The following MRTFA variants were observed in gnomAD, a reference collection of about 807,000 sequenced individuals.
MRTFA encodes the protein myocardin related transcription factor A.
A neutral mutation model predicts 83.5 loss-of-function variants in MRTFA; 20 were observed. The ratio of observed to expected loss-of-function variants is 0.24; its 90% CI spans 0.17 to 0.35. The LOEUF is 0.35. Among genes scored for constraint, MRTFA ranks in the 10% least tolerant of loss-of-function variants. MRTFA has a pLI of 1.00. For missense variants in MRTFA, 1,200 were observed against 1,224.7 expected, an observed-to-expected ratio of 0.98 and a Z score of 0.30; for synonymous variants, 659 against 541.2, an observed-to-expected ratio of 1.22 and a Z score of -3.02.
intron 3 of MRTFA, among the ~76,000 whole-genome samples, chr22:40,487,360 G>T (rs532444571): frequency 1.2e-4 from 19 of 152,242 alleles, no homozygotes; most frequent in Admixed American, 5.2e-4. Flanking sequence ...ACTTTCATAC[G>T]TATCTCATTT....
At position 40,459,826 on chromosome 22, in the gene MRTFA, T is replaced by C. The variant is rs866980415; in HGVS notation, c.307+3395A>G. The stretch of plus-strand genomic sequence containing the variant: ...ACACACACACACACACACACACATA[T>C]ATACATATATATATATATATATATA... On this transcript the variant is annotated intron_variant, in intron 4 of 14. Coordinates refer to ENST00000355630, the MANE Select transcript of MRTFA (RefSeq NM_020831.6). Among the ~76,000 whole-genome samples, 521 of 92,700 alleles carry C rather than the reference T, an allele frequency of 5.6e-3. 5 individuals are homozygous for C. The highest frequency in any genetic ancestry group is 0.021 in the African/African-American group (444 of 20,714). 60.8% of individuals were successfully genotyped at this position (92,700 alleles called of 152,430 possible).
Position 40,422,995 on chromosome 22 carries a change from G to A in MRTFA, c.927+541C>T, listed in dbSNP as rs559012178. On this transcript the variant is annotated intron_variant, in intron 9 of 14. Transcript: ENST00000355630. ...GATCCTGGTGGCCAGGCAGCTCTGT[G>A]GAGCAGGGAGGACTCTGCATGAGCT... 1.2e-4 allele frequency among the ~76,000 whole-genome samples: 19 copies of A among 152,300 alleles called. No homozygotes were observed. The Middle Eastern group carries it at 0.017, about 136-fold the overall frequency.
chr22:40,621,199 G>A (rs939758462), intron 1 of MRTFA, among the ~76,000 whole-genome samples: 3 of 146,512 alleles, frequency 2.0e-5, no homozygotes, highest in East Asian at 2.0e-4. Flanking sequence ...AAAAAAAAAA[G>A]AAGAAGAAGA....
chr22:40,520,713 C>T (rs889234658), intron 3 of MRTFA, among the ~76,000 whole-genome samples: 6 of 152,186 alleles, frequency 3.9e-5, no homozygotes, highest in Non-Finnish European at 5.9e-5. Context: ...GGCCAAGGTT[C>T]ATTCATTTTA....
chr22:40,632,214 T>A (rs2056649068), intron 1 of MRTFA, among the ~76,000 whole-genome samples: 1 of 151,954 alleles, frequency 6.6e-6, no homozygotes, highest in Non-Finnish European at 1.5e-5. Flanking sequence ...GCAATATGAG[T>A]AGCCACCTTG....
intron 2 of MRTFA, chr22:40,587,849 G>A (rs2056054987): frequency 2.5e-6 from 1 of 396,556 alleles, no homozygotes; most frequent in Non-Finnish European, 4.8e-6. Flanking sequence ...AACAAGATAG[G>A]GCTGTCTGTT....
chr22:40,449,015 C>T (rs954691939), intron 4 of MRTFA, among the ~76,000 whole-genome samples: 1 of 152,170 alleles, frequency 6.6e-6, no homozygotes, highest in Non-Finnish European at 1.5e-5. Flanking sequence ...CCTGTAATCC[C>T]AGGACTTTGG....
intron 4 of MRTFA, among the ~76,000 whole-genome samples, chr22:40,458,089 T>G (rs1279228079): frequency 6.6e-6 from 1 of 152,200 alleles, no homozygotes; most frequent in Non-Finnish European, 1.5e-5. Context: ...GTCTTCATCC[T>G]GGATACAGTG....
intron 3 of MRTFA, among the ~76,000 whole-genome samples, chr22:40,518,559 C>A (rs559492438): frequency 2.0e-5 from 3 of 151,686 alleles, no homozygotes; most frequent in African/African-American, 7.3e-5. Flanking sequence ...TTTGGGAGGC[C>A]GAGGTGGGCG....
intron 3 of MRTFA, among the ~76,000 whole-genome samples, chr22:40,527,567 C>G (rs1170335329): frequency 1.3e-5 from 2 of 151,836 alleles, no homozygotes; most frequent in East Asian, 3.9e-4. Flanking sequence ...ACTATCCTGG[C>G]TAACACAGTG....
At chr22:40,543,586 C>G (rs765115389) in intron 3 of MRTFA, among the ~76,000 whole-genome samples, 1 of 152,114 alleles carries the variant, frequency 6.6e-6, no homozygotes, top group Non-Finnish European at 1.5e-5. Flanking sequence ...TCAACAACAA[C>G]ATTTAGAAAA....
intron 7 of MRTFA, 104 bp from the exon 8 acceptor site, chr22:40,424,485 C>T (rs1483963997): frequency 1.5e-5 from 18 of 1,233,454 alleles, no homozygotes; most frequent in Non-Finnish European, 1.9e-5. Flanking sequence ...GGCCCACAGC[C>T]CACATGCCCC....
At chr22:40,543,661 TCTAA>T (rs1027727363) in intron 3 of MRTFA, among the ~76,000 whole-genome samples, 1 of 151,960 alleles carries the variant, frequency 6.6e-6, no homozygotes, top group African/African-American at 2.4e-5. Flanking sequence ...TAAAAACAAA[TCTAA>T]CTAAAGATGT....
rs908164284 is a variant in MRTFA, at chr22:40,411,284, T to TTGTC, written c.*102_*105dup. 2.3e-5 allele frequency: 28 copies of TTGTC among 1,223,654 alleles called. No individual in the cohort carries two copies. In the African/African-American group the frequency reaches 4.1e-4, roughly 18 times the overall value. 75.8% of individuals were successfully genotyped at this position (1,223,654 alleles called of 1,614,324 possible). A position where few individuals can be genotyped will look rare whatever the true frequency, so the allele number is the denominator to read the frequency against. ...GGAAGGGAAAAAGCAGGGGCTGTGA[T>TTGTC]TGTCAAGACTCACAACCATGTGGAG... On this transcript the variant is annotated 3_prime_UTR_variant, in exon 15 of 15. Coordinates refer to ENST00000355630, the MANE Select transcript of MRTFA (RefSeq NM_020831.6).
chr22:40,418,653 G>C lies in MRTFA; in HGVS notation c.2085C>G (p.His695Gln). ...GGGCCGCCAGGCTGGGGTTGAATGG[G>C]TGAGCGGGGCCCAGGGGCTGCTGGC... Residue 695 changes from histidine (H) to glutamine (Q), a missense_variant, in exon 12 of 15, where the codon CAC becomes CAG. By Grantham distance (24) the His-to-Gln change is conservative. Coordinates refer to ENST00000355630, the MANE Select transcript of MRTFA (RefSeq NM_020831.6). 2 of 1,530,006 alleles carry C rather than the reference G, an allele frequency of 1.3e-6. No individual in the cohort carries two copies. The highest frequency in any genetic ancestry group is 8.7e-7 in the Non-Finnish European group (1 of 1,146,964). The allele number at this position is 1,530,006 out of a possible 1,614,324, so 94.8% of individuals were successfully genotyped here. A position where few individuals can be genotyped will look rare whatever the true frequency, so the allele number is the denominator to read the frequency against.
At chr22:40,420,656 G>T (rs1452564133) in intron 10 of MRTFA, 80 bp from the exon 11 acceptor site, 2 of 1,569,738 alleles carry the variant, frequency 1.3e-6, no homozygotes, top group Admixed American at 3.5e-5. Flanking sequence ...CTGGGCAGCA[G>T]GATTGGGTAC....
At chr22:40,412,039 G>A (rs1405677764) in intron 14 of MRTFA, 132 bp from the exon 15 acceptor site, 1 of 709,298 alleles carries the variant, frequency 1.4e-6, no homozygotes, top group African/African-American at 1.8e-5. Context: ...TTACTTAAAT[G>A]TAAGAGCTAA....
intron 3 of MRTFA, among the ~76,000 whole-genome samples, chr22:40,496,472 A>G (rs1273788468): frequency 6.7e-6 from 1 of 148,862 alleles, no homozygotes; most frequent in Non-Finnish European, 1.5e-5. Flanking sequence ...TTTCTACATT[A>G]AATAACTACT....
chr22:40,558,102 A>T (rs868488402), intron 2 of MRTFA, among the ~76,000 whole-genome samples: 1 of 149,574 alleles, frequency 6.7e-6, no homozygotes. Flanking sequence ...TTTTTTTTTT[A>T]AGGGACAGGG....
Sources: allele counts gnomAD v4.1 joint callset (sites outside exome capture counted in the v4.1 genomes callset), GRCh38; gene constraint gnomAD v4.1.1; transcripts MANE v1.5; gene names NCBI Gene and HGNC (gene_info 2026-07-23, HGNC 2026-07-21).